Variants in COL23A1 observed in about 807,000 individuals in gnomAD.
COL23A1 encodes the protein collagen alpha-1(XXIII) chain.
In COL23A1, 97 loss-of-function variants were observed where a neutral mutation model predicts 99.3. The ratio of observed to expected loss-of-function variants is 0.98; its 90% confidence interval spans 0.83 to 1.16. The LOEUF is 1.16. COL23A1 is among the 50% of genes most tolerant of loss of function. The pLI is 0.00. For synonymous variants in COL23A1, 320 were observed against 308.2 expected (o/e 1.04, Z -0.40); for missense variants, 762 against 757.4 (o/e 1.01, Z -0.07).
intron 2 of COL23A1, among the ~76,000 whole-genome samples, chr5:178,537,896 T>A (rs914621138): frequency 6.6e-6 from 1 of 152,148 alleles, no homozygotes; most frequent in Non-Finnish European, 1.5e-5. Context: ...GCTCTTCAAC[T>A]TCCCAAACAG....
intron 2 of COL23A1, among the ~76,000 whole-genome samples, chr5:178,425,941 C>G (rs764675569): frequency 6.6e-6 from 1 of 152,144 alleles, no homozygotes; most frequent in Non-Finnish European, 1.5e-5. Context: ...ACTTGTGCTC[C>G]GGTGAACACA....
chr5:178,474,150 C>T (rs1402280253), intron 2 of COL23A1, among the ~76,000 whole-genome samples: 5 of 152,208 alleles, frequency 3.3e-5, no homozygotes, highest in Admixed American at 1.3e-4. Context: ...TTAAATTACA[C>T]GTGTGACTTC....
intron 2 of COL23A1, among the ~76,000 whole-genome samples, chr5:178,547,192 G>A (rs534096342): frequency 7.9e-5 from 12 of 151,692 alleles, no homozygotes; most frequent in African/African-American, 2.2e-4. Flanking sequence ...CAAGTACCCC[G>A]ACAGTATCTG....
At chr5:178,565,010 T>C (rs989921503) in intron 1 of COL23A1, among the ~76,000 whole-genome samples, 1 of 152,196 alleles carries the variant, frequency 6.6e-6, no homozygotes, top group African/African-American at 2.4e-5. Flanking sequence ...GGGAATGGTT[T>C]AGTGAAAGAT....
Position 178,498,225 on chromosome 5 carries a change from T to C in COL23A1, c.361+62457A>G, listed in dbSNP as rs1473377144. On this transcript the variant is annotated intron_variant, in intron 2 of 28. Transcript: ENST00000390654. ...ATTTAAATATATATATATATATATA[T>C]ATATATATATATATATATATATATA... is the stretch of plus-strand genomic sequence containing the variant. Among the ~76,000 whole-genome samples, 16 of 50,074 alleles carry C rather than the reference T, an allele frequency of 3.2e-4. No individual in the cohort carries two copies. The South Asian group carries it at 0.011, about 33-fold the overall frequency. 32.9% of individuals were successfully genotyped at this position (50,074 alleles called of 152,430 possible).
intron 5 of COL23A1, among the ~76,000 whole-genome samples, chr5:178,284,587 C>A (rs1757060340): frequency 6.6e-6 from 1 of 152,078 alleles, no homozygotes; most frequent in South Asian, 2.1e-4. Context: ...AGGAGATAAT[C>A]ATGGAAATAA....
chr5:178,358,358 GTGTATGTGTA>G (rs1761919682), intron 2 of COL23A1, among the ~76,000 whole-genome samples: 1 of 148,338 alleles, frequency 6.7e-6, no homozygotes, highest in Non-Finnish European at 1.5e-5. Flanking sequence ...TTGTGTGTAT[GTGTATGTGTA>G]CGTGTGTATG....
intron 3 of COL23A1, among the ~76,000 whole-genome samples, chr5:178,293,552 C>G (rs1390538548): frequency 6.6e-6 from 1 of 151,934 alleles, no homozygotes; most frequent in Non-Finnish European, 1.5e-5. Context: ...GAAAGGGCCA[C>G]GGGGGCTGGG....
Position 178,547,418 on chromosome 5 carries a change from C to T in COL23A1, c.361+13264G>A, listed in dbSNP as rs191229631. On this transcript the variant is annotated intron_variant, in intron 2 of 28. Coordinates refer to ENST00000390654, the MANE Select transcript of COL23A1 (RefSeq NM_173465.4). ...TTGATAGTCCCCATAATCACGTGAG[C>T]CAATTCCTTCAAATAAATCTCTTTA... Among the ~76,000 whole-genome samples the T allele has an allele frequency of 1.2e-3, 183 of 151,488 alleles. 1 individual carries two copies. The highest frequency in any genetic ancestry group is 4.2e-3 in the African/African-American group (175 of 41,194).
chr5:178,582,120 CTGTT>C (rs1363014892), intron 1 of COL23A1, among the ~76,000 whole-genome samples: 3 of 140,906 alleles, frequency 2.1e-5, no homozygotes, highest in Non-Finnish European at 4.5e-5. Flanking sequence ...GGCAGGAAGA[CTGTT>C]TGAGGCCAGG....
At chr5:178,568,525 T>C (rs1000376975) in intron 1 of COL23A1, among the ~76,000 whole-genome samples, 1 of 137,856 alleles carries the variant, frequency 7.3e-6, no homozygotes, top group Non-Finnish European at 1.6e-5. Context: ...ATTCATAATG[T>C]TATACAATCA....
At chr5:178,268,977 G>A (rs1756066979) in intron 6 of COL23A1, among the ~76,000 whole-genome samples, 1 of 152,128 alleles carries the variant, frequency 6.6e-6, no homozygotes, top group South Asian at 2.1e-4. Flanking sequence ...GGAATTGCGG[G>A]TGACCAGCAA....
At chr5:178,539,592 A>G (rs1259196100) in intron 2 of COL23A1, among the ~76,000 whole-genome samples, 2 of 151,852 alleles carry the variant, frequency 1.3e-5, no homozygotes, top group East Asian at 1.9e-4. Flanking sequence ...AGGGAAAAAA[A>G]AGAAATAATG....
At chr5:178,383,743 G>A (rs1039993556) in intron 2 of COL23A1, among the ~76,000 whole-genome samples, 2 of 152,202 alleles carry the variant, frequency 1.3e-5, no homozygotes, top group African/African-American at 2.4e-5. Flanking sequence ...GCCCCCTGGG[G>A]TGAGGTTTTG....
chr5:178,454,755 C>T (rs1767672875), intron 2 of COL23A1, among the ~76,000 whole-genome samples: 1 of 152,236 alleles, frequency 6.6e-6, no homozygotes, highest in Non-Finnish European at 1.5e-5. Flanking sequence ...AGAGTGAATT[C>T]CACGCCGGTG....
At chr5:178,586,144 TC>T (rs1763994821) in intron 1 of COL23A1, among the ~76,000 whole-genome samples, 1 of 152,226 alleles carries the variant, frequency 6.6e-6, no homozygotes, top group Admixed American at 6.5e-5. Flanking sequence ...TGTGGCCAAG[TC>T]GCTGACAGAC....
chr5:178,397,340 G>C (rs1410468708), intron 2 of COL23A1, among the ~76,000 whole-genome samples: 6 of 152,256 alleles, frequency 3.9e-5, no homozygotes, highest in Non-Finnish European at 7.3e-5. Flanking sequence ...CAGGCCTCTC[G>C]CAGGAGTGAG....
Position 178,378,668 on chromosome 5 carries a change from G to T in COL23A1, c.362-71749C>A, listed in dbSNP as rs1294321259. On this transcript the variant is annotated intron_variant, in intron 2 of 28. Transcript: ENST00000390654. Reference sequence around the variant, plus strand: ...TGGGGTGGGGCCGGGCAGTTTGCAGGATACGCAGGGATGGAGCAGCGCTGA... The same window carrying T: ...TGGGGTGGGGCCGGGCAGTTTGCAGTATACGCAGGGATGGAGCAGCGCTGA... Among the ~76,000 whole-genome samples, 37 of 152,230 alleles carry T rather than the reference G, an allele frequency of 2.4e-4. 1 individual carries two copies. The highest frequency in any genetic ancestry group is 2.4e-3 in the Admixed American group (37 of 15,288).
intron 2 of COL23A1, among the ~76,000 whole-genome samples, chr5:178,520,622 G>A (rs1208343032): frequency 6.6e-6 from 1 of 152,202 alleles, no homozygotes; most frequent in Non-Finnish European, 1.5e-5. Context: ...AGGTGGACCA[G>A]GGTTCCAATT....
Sources: allele counts gnomAD v4.1 joint callset (sites outside exome capture counted in the v4.1 genomes callset), GRCh38; gene constraint gnomAD v4.1.1; transcripts MANE v1.5; gene names NCBI Gene and HGNC (gene_info 2026-07-23, HGNC 2026-07-21).